Variants in HDAC8 observed in about 807,000 individuals in gnomAD.
HDAC8 encodes histone deacetylase-like 1.
Under a neutral mutation model 32.2 loss-of-function variants are expected in HDAC8, and 1 was observed. The ratio of observed to expected loss-of-function variants is 0.03; its 90% CI spans 0.01 to 0.15. The LOEUF (loss-of-function observed/expected upper bound fraction) is 0.15. Ranked by LOEUF, HDAC8 falls within the 10% of genes least tolerant of loss-of-function variation. HDAC8 has a pLI of 1.00. For missense variants in HDAC8, 117 were observed against 300.0 expected, an observed-to-expected ratio of 0.39 and a Z score of 4.51; for synonymous variants, 108 against 113.9, an observed-to-expected ratio of 0.95 and a Z score of 0.33.
chrX:72,365,818 C>T (rs1420266343), intron 9 of HDAC8, among the ~76,000 whole-genome samples: 1 of 111,711 alleles, frequency 9.0e-6, no homozygotes, highest in Non-Finnish European at 1.9e-5. Context: ...GGAATTGCTA[C>T]TCCATCAGAG....
rs1555993170 is a variant in HDAC8 at position 72,464,634 on chromosome X, T to C, written c.835A>G (p.Met279Val). 1 of 1,205,374 alleles carries C rather than the reference T, an allele frequency of 8.3e-7. No individual in the cohort carries two copies. Among genetic ancestry groups the C allele is most frequent in the Admixed American group, 2.2e-5 (1 of 46,026 alleles). Reference protein sequence around the residue: ...IAGDPMCSFNMTPVGIGKCLK... With the variant: ...IAGDPMCSFNVTPVGIGKCLK... Reference sequence around the variant, plus strand: ...CACTTGCCAATTCCCACTGGAGTCATGTTAAAGGAGCACATGGGATCCCCA... The same window carrying C: ...CACTTGCCAATTCCCACTGGAGTCACGTTAAAGGAGCACATGGGATCCCCA... Residue 279 changes from methionine to valine, a missense_variant, in exon 8 of 11, where the codon ATG becomes GTG. Physicochemically the swap from Met to Val is conservative, Grantham distance 21. Around this residue, in one of 4 missense-constraint regions of HDAC8, gnomAD observed 57 missense variants for 182.0 expected, o/e 0.31. Transcript: ENST00000373573.
At chrX:72,342,784 C>A (rs2043920975) in intron 10 of HDAC8, among the ~76,000 whole-genome samples, 1 of 112,092 alleles carries the variant, frequency 8.9e-6, no homozygotes, top group South Asian at 3.8e-4. Flanking sequence ...TGAGTATGAT[C>A]CTCAGCGTCT....
intron 2 of HDAC8, among the ~76,000 whole-genome samples, chrX:72,571,600 C>G (rs1329851041): frequency 1.9e-5 from 1 of 52,446 alleles, no homozygotes; most frequent in African/African-American, 6.9e-5. Context: ...GAGTTTCACT[C>G]TTGTTGCCCA....
intron 4 of HDAC8, among the ~76,000 whole-genome samples, chrX:72,529,769 G>A (rs2050269399): frequency 1.8e-5 from 2 of 111,676 alleles, no homozygotes; most frequent in South Asian, 3.8e-4. Context: ...TGGCTCTGTG[G>A]TCCCATGAAA....
chrX:72,359,600 A>T (rs1384010209), intron 9 of HDAC8, among the ~76,000 whole-genome samples: 4 of 111,373 alleles, frequency 3.6e-5, no homozygotes, highest in African/African-American at 1.3e-4. Flanking sequence ...GTGACAGGCA[A>T]TGAGGCAGGG....
intron 9 of HDAC8, among the ~76,000 whole-genome samples, chrX:72,435,702 TCACACCTGTAATCC>T (rs2046929696): frequency 8.9e-6 from 1 of 111,830 alleles, no homozygotes; most frequent in Non-Finnish European, 1.9e-5. Flanking sequence ...GCACAGTGGC[TCACACCTGTAATCC>T]CAGCATGTTG....
At chrX:72,517,547 C>T (rs1556026010) in intron 4 of HDAC8, among the ~76,000 whole-genome samples, 2 of 111,686 alleles carry the variant, frequency 1.8e-5, no homozygotes, top group African/African-American at 3.3e-5. Flanking sequence ...TCTTGTAAGA[C>T]TTTCACAGTT....
intron 2 of HDAC8, 193 bp downstream of exon 2, chrX:72,571,864 G>A (rs782083677): frequency 1.6e-5 from 6 of 385,739 alleles, no homozygotes; most frequent in Non-Finnish European, 2.6e-5. Flanking sequence ...CCATGCTCTC[G>A]GCCCCCCAAG....
intron 7 of HDAC8, among the ~76,000 whole-genome samples, chrX:72,465,109 G>A (rs1364811766): frequency 2.7e-5 from 3 of 110,904 alleles, no homozygotes; most frequent in Admixed American, 9.6e-5. Flanking sequence ...AGTCATTAAG[G>A]GTTCTTTCTG....
chrX:72,560,168 T>C (rs2051490984), intron 4 of HDAC8, among the ~76,000 whole-genome samples: 1 of 112,270 alleles, frequency 8.9e-6, no homozygotes, highest in African/African-American at 3.2e-5. Flanking sequence ...TGTTGCTGTG[T>C]CCGTGTAGAG....
chrX:72,539,131 T>C (rs1159516688), intron 4 of HDAC8, among the ~76,000 whole-genome samples: 1 of 112,394 alleles, frequency 8.9e-6, no homozygotes, highest in African/African-American at 3.2e-5. Flanking sequence ...TGGTTAATTG[T>C]AACAATGTTT....
At chrX:72,395,351 ACCCCTGGCC>A (rs2045732334) in intron 9 of HDAC8, among the ~76,000 whole-genome samples, 1 of 111,445 alleles carries the variant, frequency 9.0e-6, no homozygotes, top group Non-Finnish European at 1.9e-5. Flanking sequence ...GCTGCTCAGC[ACCCCTGGCC>A]AGAGGGGTGG....
At chrX:72,474,343 G>A in intron 7 of HDAC8, 12 of 773,482 alleles carry the variant, frequency 1.6e-5, no homozygotes, top group Non-Finnish European at 1.9e-5. Context: ...CTCGAGGGTA[G>A]AATCAATACT....
At chrX:72,400,820 C>T (rs1333610035) in intron 9 of HDAC8, among the ~76,000 whole-genome samples, 1 of 111,938 alleles carries the variant, frequency 8.9e-6, no homozygotes, top group Non-Finnish European at 1.9e-5. Flanking sequence ...ATGTTGCCCT[C>T]GGCAGCTACT....
intron 9 of HDAC8, among the ~76,000 whole-genome samples, chrX:72,440,479 C>T (rs1474281526): frequency 9.0e-6 from 1 of 110,846 alleles, no homozygotes; most frequent in Non-Finnish European, 1.9e-5. Flanking sequence ...AAGATCAGAG[C>T]AGAACTGAAG....
intron 9 of HDAC8, among the ~76,000 whole-genome samples, chrX:72,378,453 C>T (rs1555958973): frequency 8.9e-6 from 1 of 111,958 alleles, no homozygotes. Flanking sequence ...TTACCAGAGG[C>T]CAAGTTAAAG....
rs782746854 is a variant in HDAC8, at chrX:72,512,017, C to T, written c.438-16749G>A. On this transcript the variant is annotated intron_variant, in intron 4 of 10. Coordinates refer to ENST00000373573, the MANE Select transcript of HDAC8 (RefSeq NM_018486.3). ...CTCAATATCTTTCATCTGTAGGCTG[C>T]GACTTCTTAGCAAAATGGTGATTAT... Among the ~76,000 whole-genome samples the T allele has an allele frequency of 7.2e-5, 8 of 111,629 alleles. No homozygotes were observed. In the South Asian group the frequency reaches 1.5e-3, roughly 21 times the overall value.
In HDAC8 at chrX:72,378,643, C is replaced by T. The variant is rs782525750; in HGVS notation, c.1006-26805G>A. On this transcript the variant is annotated intron_variant, in intron 9 of 10. Coordinates refer to ENST00000373573, the MANE Select transcript of HDAC8 (RefSeq NM_018486.3). Reference sequence around the variant, plus strand: ...CCTCTCCTTTGTGTTGTTATTGTCACACAAATTATATCTTCACACATTGTG... The same window carrying T: ...CCTCTCCTTTGTGTTGTTATTGTCATACAAATTATATCTTCACACATTGTG... 4.5e-5 allele frequency among the ~76,000 whole-genome samples: 5 copies of T among 112,235 alleles called. No homozygotes were observed. In the South Asian group the frequency reaches 1.9e-3, roughly 42 times the overall value.
At chrX:72,443,242 G>T (rs1443549261) in intron 9 of HDAC8, among the ~76,000 whole-genome samples, 1 of 109,357 alleles carries the variant, frequency 9.1e-6, no homozygotes, top group East Asian at 2.9e-4. Flanking sequence ...ATTTTTTTCA[G>T]CACCACACCA....
Sources: allele counts gnomAD v4.1 joint callset (sites outside exome capture counted in the v4.1 genomes callset), GRCh38; gene constraint gnomAD v4.1.1; regional missense constraint gnomAD v4.1.1; transcripts MANE v1.5; gene names NCBI Gene and HGNC (gene_info 2026-07-23, HGNC 2026-07-21).